Variants in GALNT1 observed in about 807,000 individuals in gnomAD.
GALNT1 encodes GalNAc transferase 1.
GALNT1 carries 17 observed loss-of-function variants against 65.7 expected under a neutral mutation model. That is an observed-to-expected ratio of 0.26 (90% CI 0.18 to 0.39). GALNT1 has a LOEUF of 0.39. Ranked by LOEUF, GALNT1 falls within the 10% of genes least tolerant of loss-of-function variation. The probability of loss-of-function intolerance (pLI) is 1.00; values close to 1 mark genes in which losing one functional copy is unlikely to be tolerated. For missense variants in GALNT1, 460 were observed against 672.8 expected, an observed-to-expected ratio of 0.68 and a Z score of 3.50; for synonymous variants, 210 against 219.7, an observed-to-expected ratio of 0.96 and a Z score of 0.39.
chr18:35,680,958 TTCTAA>T (rs1280556338), intron 4 of GALNT1, among the ~76,000 whole-genome samples: 1 of 152,214 alleles, frequency 6.6e-6, no homozygotes. Context: ...TATGTAATGT[TTCTAA>T]TCTGAGAAGA....
chr18:35,605,440 G>T (rs1370338660), intron 1 of GALNT1, among the ~76,000 whole-genome samples: 2 of 151,004 alleles, frequency 1.3e-5, no homozygotes, highest in Admixed American at 1.3e-4. Flanking sequence ...GGAGGTTGCC[G>T]TGAGCCAAGA....
At chr18:35,706,873 AT>A (rs2144770059) in intron 11 of GALNT1, among the ~76,000 whole-genome samples, 1 of 152,304 alleles carries the variant, frequency 6.6e-6, no homozygotes, top group Non-Finnish European at 1.5e-5. Context: ...ACTTATGTCC[AT>A]TATCTGTAAT....
Position 35,711,779 on chromosome 18 carries a change from A to AT in GALNT1, c.*2014dup. On this transcript the variant is annotated 3_prime_UTR_variant, in exon 12 of 12. Transcript: ENST00000269195. ...CCTGATAGATAATCCCATTGCCTTT[A>AT]TTTTTCTAATTAAAGAATTCCTAAA... is the stretch of plus-strand genomic sequence containing the variant. 6.6e-6 allele frequency: 1 copy of AT among 152,252 alleles called. No individual in the cohort carries two copies. Among genetic ancestry groups the AT allele is most frequent in the South Asian group, 2.1e-4 (1 of 4,828 alleles). The allele number at this position is 152,252 out of a possible 1,614,324, so 9.4% of individuals were successfully genotyped here.
chr18:35,614,769 A>G (rs1279912405), intron 1 of GALNT1, among the ~76,000 whole-genome samples: 1 of 152,182 alleles, frequency 6.6e-6, no homozygotes, highest in Non-Finnish European at 1.5e-5. Context: ...AATGCCAATT[A>G]ATCAACAAGA....
intron 11 of GALNT1, 89 bp downstream of exon 11, chr18:35,703,732 G>A (rs1471872223): frequency 7.6e-7 from 1 of 1,314,682 alleles, no homozygotes; most frequent in Non-Finnish European, 1.0e-6. Flanking sequence ...GAGTTCTTGT[G>A]GACCTTGAAT....
chr18:35,631,949 A>G (rs1210678283), intron 1 of GALNT1, among the ~76,000 whole-genome samples: 2 of 152,226 alleles, frequency 1.3e-5, no homozygotes, highest in South Asian at 2.1e-4. Context: ...CCCATTCACA[A>G]TTGCTTCAAA....
Position 35,709,854 on chromosome 18 carries a change from A to T in GALNT1, c.*84A>T. The T allele has an allele frequency of 6.7e-7, 1 of 1,484,686 alleles. No individual in the cohort carries two copies. The highest frequency in any genetic ancestry group is 9.2e-7 in the Non-Finnish European group (1 of 1,089,190). 92.0% of individuals were successfully genotyped at this position (1,484,686 alleles called of 1,614,324 possible). ...TTTCTGCCACATTCTTAAGTAGCAA[A>T]AAAGGAAAAGTGCTTTCCTCCTCTG... On this transcript the variant is annotated 3_prime_UTR_variant, in exon 12 of 12. Transcript: ENST00000269195.
chr18:35,641,146 A>G (rs975349738), intron 1 of GALNT1, among the ~76,000 whole-genome samples: 1 of 152,134 alleles, frequency 6.6e-6, no homozygotes, highest in African/African-American at 2.4e-5. Flanking sequence ...CTTTTTTATT[A>G]AGAACATTGG....
At chr18:35,663,207 G>A (rs1446578656) in intron 2 of GALNT1, among the ~76,000 whole-genome samples, 1 of 152,198 alleles carries the variant, frequency 6.6e-6, no homozygotes, top group African/African-American at 2.4e-5. Flanking sequence ...AAGGCAGTGG[G>A]TGGCTGTTTG....
chr18:35,604,153 C>A (rs1443102518), intron 1 of GALNT1, among the ~76,000 whole-genome samples: 1 of 152,006 alleles, frequency 6.6e-6, no homozygotes, highest in African/African-American at 2.4e-5. Context: ...ATGTTTCGCT[C>A]CCACTTATAA....
chr18:35,673,284 TTTC>T, intron 3 of GALNT1, among the ~76,000 whole-genome samples: 1 of 152,338 alleles, frequency 6.6e-6, no homozygotes, highest in African/African-American at 2.4e-5. Context: ...GATGTGGAAA[TTTC>T]TTGAAAATTC....
chr18:35,631,404 AC>A (rs1479379398), intron 1 of GALNT1, among the ~76,000 whole-genome samples: 1 of 151,948 alleles, frequency 6.6e-6, no homozygotes, highest in Non-Finnish European at 1.5e-5. Context: ...GGTTCAACAT[AC>A]GCAAATCAAT....
At chr18:35,656,266 C>CT (rs2144403801) in intron 2 of GALNT1, among the ~76,000 whole-genome samples, 1 of 151,664 alleles carries the variant, frequency 6.6e-6, no homozygotes, top group Non-Finnish European at 1.5e-5. Flanking sequence ...TGTAGATTCA[C>CT]TTGAATTTTT....
intron 1 of GALNT1, among the ~76,000 whole-genome samples, chr18:35,652,208 T>C (rs1216003547): frequency 6.6e-6 from 1 of 152,188 alleles, no homozygotes; most frequent in Non-Finnish European, 1.5e-5. Flanking sequence ...TGTGACCTCA[T>C]TCCCTTGCGG....
intron 1 of GALNT1, among the ~76,000 whole-genome samples, chr18:35,610,723 A>T (rs1396523147): frequency 1.3e-5 from 2 of 152,216 alleles, no homozygotes; most frequent in African/African-American, 4.8e-5. Flanking sequence ...CTAGACATTT[A>T]AAAATAATTT....
intron 1 of GALNT1, chr18:35,627,586 TGGG>T (rs551882169): frequency 6.6e-6 from 1 of 151,784 alleles, no homozygotes; most frequent in African/African-American, 2.4e-5. Flanking sequence ...TTATGTTGAT[TGGG>T]GGGGCGGTTC....
intron 1 of GALNT1, among the ~76,000 whole-genome samples, chr18:35,608,990 AC>A (rs572067935): frequency 1.2e-3 from 182 of 152,318 alleles, no homozygotes; most frequent in South Asian, 2.3e-3. Flanking sequence ...CCCTGAACCT[AC>A]CACAGTAAAG....
At chr18:35,587,962 C>T (rs1198037826) in intron 1 of GALNT1, among the ~76,000 whole-genome samples, 1 of 152,102 alleles carries the variant, frequency 6.6e-6, no homozygotes, top group Admixed American at 6.6e-5. Context: ...TTCCTTTCAT[C>T]TTCTGTTTTC....
chr18:35,604,868 T>C (rs2046626924), intron 1 of GALNT1, among the ~76,000 whole-genome samples: 1 of 152,166 alleles, frequency 6.6e-6, no homozygotes, highest in Admixed American at 6.5e-5. Context: ...TCTGGCATGT[T>C]AGAAACTGCG....
Sources: allele counts gnomAD v4.1 joint callset (sites outside exome capture counted in the v4.1 genomes callset), GRCh38; gene constraint gnomAD v4.1.1; transcripts MANE v1.5; gene names NCBI Gene and HGNC (gene_info 2026-07-23, HGNC 2026-07-21).